The following PLEKHG5 variants were observed in gnomAD, a reference collection of about 807,000 sequenced individuals.
The protein encoded by PLEKHG5 is pleckstrin homology and RhoGEF domain containing G5, also known as pleckstrin homology domain-containing family G member 5.
PLEKHG5 carries 52 observed loss-of-function variants against 103.8 expected under a neutral mutation model. That is an observed-to-expected ratio of 0.50 (90% CI 0.40 to 0.63). PLEKHG5 has a LOEUF of 0.63. PLEKHG5 is among the 30% of genes least tolerant of loss of function. The pLI is 0.00. For synonymous variants in PLEKHG5, 592 were observed against 575.5 expected (o/e 1.03, Z -0.41); for missense variants, 1,205 against 1,347.6 (o/e 0.89, Z 1.66).
In PLEKHG5 at chr1:6,486,042, G is replaced by A; in HGVS notation, c.-88+5595C>T. 3.4e-6 allele frequency: 1 copy of A among 295,370 alleles called. No individual in the cohort carries two copies. The highest frequency in any genetic ancestry group is 5.0e-6 in the Non-Finnish European group (1 of 200,566). 18.3% of individuals were successfully genotyped at this position (295,370 alleles called of 1,614,324 possible). ...GTGACTCGATCCCCGCCCAGCCCTG[G>A]GGGTGCCCACTCTGCTGTGGTCCCC... On this transcript the variant is annotated intron_variant, in intron 1 of 20. Transcript: ENST00000377728. This position sits in a 1 kb window ranked among gnomAD's most constrained non-coding sequence, Gnocchi z 5.3.
In PLEKHG5 at chr1:6,501,962, C is replaced by A. The variant is rs2148631167; in HGVS notation, c.-164-5393G>T. Among the ~76,000 whole-genome samples the A allele has an allele frequency of 6.6e-6, 1 of 152,374 alleles. No homozygotes were observed. The highest frequency in any genetic ancestry group is 3.4e-3 in the Middle Eastern group (1 of 294). The stretch of plus-strand genomic sequence containing the variant: ...GAAAACAGGCCCTCCCTGCCCACGA[C>A]CTCCCAACCACAGGCCTGGCCATGC... On this transcript the variant is annotated intron_variant, in intron 1 of 21. Coordinates refer to the PLEKHG5 transcript ENST00000377740. The surrounding 1 kb of genome is among the most constrained non-coding windows in gnomAD (Gnocchi z 4.3).
At chr1:6,471,321 C>A (rs1644577898) in intron 12 of PLEKHG5, 167 bp downstream of exon 12, 1 of 877,834 alleles carries the variant, frequency 1.1e-6, no homozygotes, top group South Asian at 1.7e-5. Flanking sequence ...GAGGCTCAAA[C>A]CCGGGCGACC....
In PLEKHG5 at chr1:6,486,119, T is replaced by C. The variant is rs1252518590; in HGVS notation, c.-88+5518A>G. ...GGTCCCTCCCAGCCAGAAGGGTACC[T>C]TCCCTCCTCCCTTCCTCCTGGAGAC... is the stretch of plus-strand genomic sequence containing the variant. On this transcript the variant is annotated intron_variant, in intron 1 of 20. Transcript: ENST00000377728. This position sits in a 1 kb window ranked among gnomAD's most constrained non-coding sequence, Gnocchi z 5.3. 6.7e-6 allele frequency among the ~76,000 whole-genome samples: 1 copy of C among 149,446 alleles called. No individual in the cohort carries two copies. The highest frequency in any genetic ancestry group is 1.5e-5 in the Non-Finnish European group (1 of 67,282).
chr1:6,499,093 G>A (rs1645267307), upstream of PLEKHG5, among the ~76,000 whole-genome samples: 1 of 152,220 alleles, frequency 6.6e-6, no homozygotes, highest in Admixed American at 6.5e-5. Context: ...GACAACATCT[G>A]CTGTCCGCCC....
upstream of PLEKHG5, among the ~76,000 whole-genome samples, chr1:6,493,055 C>T (rs1645174313): frequency 1.3e-5 from 2 of 152,200 alleles, no homozygotes; most frequent in African/African-American, 4.8e-5. Context: ...GTTAGCCCTC[C>T]TCCCAGTGGG....
At position 6,505,540 on chromosome 1, in the gene PLEKHG5, C is replaced by A. The variant is rs1157600520; in HGVS notation, c.-164-8971G>T. ...AAACACAAGCCACGGGGCTCAGCGTCCCCGAGAGCTCATCCTGCCTCTTCA... is the reference window on the plus strand; with the variant it reads ...AAACACAAGCCACGGGGCTCAGCGTACCCGAGAGCTCATCCTGCCTCTTCA... On this transcript the variant is annotated intron_variant, in intron 1 of 21. Coordinates refer to the PLEKHG5 transcript ENST00000377740. The surrounding 1 kb of genome is among the most constrained non-coding windows in gnomAD (Gnocchi z 4.2). 6.6e-6 allele frequency among the ~76,000 whole-genome samples: 1 copy of A among 152,198 alleles called. No individual in the cohort carries two copies. Among genetic ancestry groups the A allele is most frequent in the East Asian group, 1.9e-4 (1 of 5,196 alleles).
At chr1:6,516,786 TTATA>T (rs1553180701) in intron 1 of PLEKHG5, among the ~76,000 whole-genome samples, 4 of 85,258 alleles carry the variant, frequency 4.7e-5, no homozygotes, top group Non-Finnish European at 1.0e-4. Flanking sequence ...TGTGTGTGTG[TTATA>T]TATATGTGTA....
chr1:6,471,743 C>T lies in PLEKHG5; in HGVS notation c.1131+15G>A. ...CTGGTACCTCACCCGCCGCCGCCCC[C>T]GAATCCCAGCGCACCTCACACAGCA... On this transcript the variant is annotated intron_variant, in intron 11 of 20. Transcript: ENST00000377728. 1 of 1,607,632 alleles carries T rather than the reference C, an allele frequency of 6.2e-7. No homozygotes were observed. Among genetic ancestry groups the T allele is most frequent in the East Asian group, 2.2e-5 (1 of 44,648 alleles).
upstream of PLEKHG5, among the ~76,000 whole-genome samples, chr1:6,501,327 G>T (rs147753174): frequency 6.6e-6 from 1 of 152,030 alleles, no homozygotes; most frequent in African/African-American, 2.4e-5. This position sits in a 1 kb window ranked among gnomAD's most constrained non-coding sequence, Gnocchi z 4.3. Flanking sequence ...TCCTCCCATC[G>T]CTGTCTGCTG....
At position 6,468,185 on chromosome 1, in the gene PLEKHG5, T is replaced by G; in HGVS notation, c.2651A>C (p.Gln884Pro). 6.4e-7 allele frequency: 1 copy of G among 1,570,176 alleles called. No homozygotes were observed. The highest frequency in any genetic ancestry group is 8.6e-7 in the Non-Finnish European group (1 of 1,156,170). Residue 884 changes from glutamine (Q) to proline (P), a missense_variant, in exon 20 of 21, where the codon CAG becomes CCG. Transcript: ENST00000377728. ...ATGGGTGCCAGCCCCTGCCAGCAGC[T>G]GGAGGAGGCTGGCCTCGGACTTAGA... ...LKSKSEASLL[Q>P]LLAGAGTHGT...
At chr1:6,512,023 A>G (rs931099468) in intron 1 of PLEKHG5, among the ~76,000 whole-genome samples, 2 of 152,130 alleles carry the variant, frequency 1.3e-5, no homozygotes, top group Admixed American at 6.5e-5. Flanking sequence ...CCGGTGTCCT[A>G]TGTATTATAC....
At chr1:6,502,889 G>A (rs982764115) in intron 1 of PLEKHG5, among the ~76,000 whole-genome samples, 3 of 152,172 alleles carry the variant, frequency 2.0e-5, no homozygotes, top group Non-Finnish European at 4.4e-5. Flanking sequence ...TGACCCAGCC[G>A]CTGTGTGCAG....
At chr1:6,515,488 C>T (rs1638588580) in intron 1 of PLEKHG5, among the ~76,000 whole-genome samples, 1 of 151,974 alleles carries the variant, frequency 6.6e-6, no homozygotes, top group Non-Finnish European at 1.5e-5. Flanking sequence ...GATTTTGCCA[C>T]TGCACTCCAG....
intron 1 of PLEKHG5, among the ~76,000 whole-genome samples, chr1:6,515,641 C>T (rs1464167600): frequency 6.6e-6 from 1 of 150,900 alleles, no homozygotes; most frequent in Non-Finnish European, 1.5e-5. Flanking sequence ...GCCTGGACAA[C>T]AGAGCAAGAC....
rs1299425701 is a variant in PLEKHG5 at position 6,505,560 on chromosome 1, T to A, written c.-164-8991A>T. On this transcript the variant is annotated intron_variant, in intron 1 of 21. Transcript: ENST00000377740. This position sits in a 1 kb window ranked among gnomAD's most constrained non-coding sequence, Gnocchi z 4.2. ...AGCGTCCCCGAGAGCTCATCCTGCC[T>A]CTTCAGGGGCTTAAACTCCCTGTAC... 3.3e-5 allele frequency among the ~76,000 whole-genome samples: 5 copies of A among 151,830 alleles called. No individual in the cohort carries two copies. Among genetic ancestry groups the A allele is most frequent in the Admixed American group, 2.0e-4 (3 of 15,254 alleles).
At chr1:6,473,504 G>A in intron 7 of PLEKHG5, 50 bp from the exon 8 acceptor site, 1 of 1,432,138 alleles carries the variant, frequency 7.0e-7, no homozygotes, top group Non-Finnish European at 9.2e-7. Flanking sequence ...AGCCCCCATG[G>A]CCCCACCCCA....
At chr1:6,471,458 GC>G in intron 12 of PLEKHG5, 29 bp downstream of exon 12, 1 of 1,600,082 alleles carries the variant, frequency 6.2e-7, no homozygotes, top group Non-Finnish European at 8.5e-7. Context: ...CTGCCTCAGT[GC>G]CCCCGCCTGC....
intron 1 of PLEKHG5, among the ~76,000 whole-genome samples, chr1:6,514,594 C>T (rs1638564600): frequency 6.6e-6 from 1 of 151,646 alleles, no homozygotes; most frequent in Admixed American, 6.6e-5. Context: ...AACCTTGTCT[C>T]TACTAAAAAT....
upstream of PLEKHG5, among the ~76,000 whole-genome samples, chr1:6,500,897 C>T (rs1645290032): frequency 6.6e-6 from 1 of 152,214 alleles, no homozygotes; most frequent in African/African-American, 2.4e-5. Context: ...CTCCCCCGAC[C>T]CTGTCTCAGT....
Sources: allele counts gnomAD v4.1 joint callset (sites outside exome capture counted in the v4.1 genomes callset), GRCh38; gene constraint gnomAD v4.1.1; non-coding constraint Gnocchi (gnomAD v3.1); transcripts MANE v1.5; gene names NCBI Gene and HGNC (gene_info 2026-07-23, HGNC 2026-07-21).